TAMM41: variants seen among roughly 807,000 people sequenced by gnomAD.
TAMM41 encodes the protein phosphatidate cytidylyltransferase, mitochondrial.
Under a neutral mutation model 44.1 loss-of-function variants are expected in TAMM41, and 36 were observed. The ratio of observed to expected loss-of-function variants is 0.82; its 90% confidence interval spans 0.63 to 1.08. The LOEUF (loss-of-function observed/expected upper bound fraction) is 1.08, where lower values mean the gene tolerates loss of function less well. Ranked by LOEUF, TAMM41 falls within the 50% of genes least tolerant of loss-of-function variation. The probability of loss-of-function intolerance (pLI) is 0.00; values close to 1 mark genes in which losing one functional copy is unlikely to be tolerated. For synonymous variants in TAMM41, 164 were observed against 153.1 expected, an observed-to-expected ratio of 1.07 and a Z score of -0.53; for missense variants, 417 against 404.3, an observed-to-expected ratio of 1.03 and a Z score of -0.27.
At chr3:11,832,283 CAA>C (rs71628729) in intron 3 of TAMM41, among the ~76,000 whole-genome samples, 7 of 31,264 alleles carry the variant, frequency 2.2e-4, no homozygotes, top group South Asian at 1.3e-3. Flanking sequence ...TTCAGAAAAA[CAA>C]AAAAAAAAAA....
the TAMM41 span, among the ~76,000 whole-genome samples, chr3:11,733,766 A>T: frequency 1.3e-5 from 2 of 152,018 alleles, no homozygotes; most frequent in African/African-American, 2.4e-5. Context: ...AAGTGCTAGG[A>T]TTACAGGCGT....
At chr3:11,734,942 G>A in the TAMM41 span, among the ~76,000 whole-genome samples, 2 of 150,898 alleles carry the variant, frequency 1.3e-5, no homozygotes, top group East Asian at 2.0e-4. Context: ...CCAGCTATTC[G>A]GGGGGCTGAG....
the TAMM41 span, among the ~76,000 whole-genome samples, chr3:11,769,984 AAGG>A: frequency 5.9e-5 from 9 of 152,228 alleles, no homozygotes; most frequent in African/African-American, 2.2e-4. Flanking sequence ...AGGCCCAGGC[AAGG>A]AGAAGCCTAG....
the TAMM41 span, among the ~76,000 whole-genome samples, chr3:11,730,133 C>G: frequency 6.6e-6 from 1 of 152,130 alleles, no homozygotes; most frequent in Non-Finnish European, 1.5e-5. Flanking sequence ...CCTATAATCC[C>G]AGCACTTTGG....
At chr3:11,793,841 G>A (rs569420018) in intron 7 of TAMM41, among the ~76,000 whole-genome samples, 3 of 152,238 alleles carry the variant, frequency 2.0e-5, no homozygotes, top group South Asian at 4.2e-4. Context: ...GGGGTACTGG[G>A]GACTGGAATG....
chr3:11,846,376 C>T (rs2079691344), intron 1 of TAMM41, 126 bp downstream of exon 1: 1 of 1,129,658 alleles, frequency 8.9e-7, no homozygotes, highest in Admixed American at 2.1e-5. Flanking sequence ...GCCTATGGTT[C>T]ACTCTGCTAG....
chr3:11,729,538 CATTTTT>C, the TAMM41 span, among the ~76,000 whole-genome samples: 17 of 65,538 alleles, frequency 2.6e-4, 3 homozygotes, highest in African/African-American at 7.9e-4. Context: ...TTCTTTCTTT[CATTTTT>C]TTTTTTTTTT....
At chr3:11,786,289 ATT>A (rs1559259352), downstream of TAMM41, among the ~76,000 whole-genome samples, 191 of 85,506 alleles carry the variant, frequency 2.2e-3, no homozygotes, top group African/African-American at 6.6e-3. Flanking sequence ...ATTTAATTTT[ATT>A]ATTATTATTA....
At chr3:11,784,951 C>T in the TAMM41 span, among the ~76,000 whole-genome samples, 201 of 151,888 alleles carry the variant, frequency 1.3e-3, 2 homozygotes, top group East Asian at 0.037. Flanking sequence ...TACAGGTGCC[C>T]GCCACCACCC....
chr3:11,801,971 T>C (rs950572935), intron 7 of TAMM41, among the ~76,000 whole-genome samples: 2 of 152,088 alleles, frequency 1.3e-5, no homozygotes, highest in Non-Finnish European at 2.9e-5. Flanking sequence ...CTGTAATCCC[T>C]GCACTTTGGG....
chr3:11,767,579 A>G, the TAMM41 span, among the ~76,000 whole-genome samples: 24 of 148,180 alleles, frequency 1.6e-4, no homozygotes, highest in African/African-American at 5.8e-4. Context: ...CCCACCAGCA[A>G]TGTACGAGGG....
At chr3:11,844,352 C>G in intron 1 of TAMM41, 141 bp from the exon 2 acceptor site, 1 of 707,030 alleles carries the variant, frequency 1.4e-6, no homozygotes, top group Non-Finnish European at 2.3e-6. Flanking sequence ...GTGAGCGAGT[C>G]TCTGGAACAA....
chr3:11,795,534 A>G lies in TAMM41; in HGVS notation c.938-4953T>C, dbSNP rs923870342. 8.5e-5 allele frequency among the ~76,000 whole-genome samples: 13 copies of G among 152,172 alleles called. 1 individual carries two copies. The highest frequency in any genetic ancestry group is 2.6e-4 in the Admixed American group (4 of 15,276). On this transcript the variant is annotated intron_variant, in intron 7 of 7. Transcript: ENST00000455809. ...CCATATCTATTTGGTCTCCCTCGCA[A>G]TAGGTTTACTGCCCTTCCATTTGAT...
intron 6 of TAMM41, chr3:11,809,092 G>A: frequency 4.2e-6 from 1 of 238,634 alleles, no homozygotes; most frequent in South Asian, 5.4e-5. Context: ...CCATGTCTGA[G>A]GGAATGTACT....
intron 3 of TAMM41, among the ~76,000 whole-genome samples, chr3:11,836,621 G>A (rs1246810197): frequency 1.3e-5 from 2 of 152,052 alleles, no homozygotes; most frequent in Admixed American, 6.6e-5. Context: ...GTGCCACCAC[G>A]CCTGGCTAAT....
the TAMM41 span, among the ~76,000 whole-genome samples, chr3:11,784,607 T>C: frequency 2.0e-5 from 3 of 152,192 alleles, no homozygotes; most frequent in Non-Finnish European, 4.4e-5. Context: ...TTTAACCCCT[T>C]CCCTTCAACT....
chr3:11,722,904 A>T, the TAMM41 span, among the ~76,000 whole-genome samples: 1 of 152,048 alleles, frequency 6.6e-6, no homozygotes, highest in South Asian at 2.1e-4. Flanking sequence ...GGGAGGCTGC[A>T]GTGAGCCGAG....
the TAMM41 span, among the ~76,000 whole-genome samples, chr3:11,767,626 A>ATTTTTTTTTTTTGTTTTTTTT: frequency 3.3e-5 from 2 of 60,692 alleles, 1 homozygote; most frequent in African/African-American, 1.5e-4. Context: ...CACGTTGTGC[A>ATTTTTTTTTTTTGTTTTTTTT]TTTTTTTTTT....
intron 7 of TAMM41, among the ~76,000 whole-genome samples, chr3:11,799,494 G>C (rs2077692153): frequency 6.6e-6 from 1 of 152,148 alleles, no homozygotes; most frequent in Non-Finnish European, 1.5e-5. Context: ...CAGAGCATAA[G>C]GCCATTTAAC....
Sources: allele counts gnomAD v4.1 joint callset (sites outside exome capture counted in the v4.1 genomes callset), GRCh38; gene constraint gnomAD v4.1.1; transcripts MANE v1.5; gene names NCBI Gene and HGNC (gene_info 2026-07-23, HGNC 2026-07-21).